Variants in CACNA1C observed in about 807,000 individuals in gnomAD.
The protein encoded by CACNA1C is voltage-dependent L-type calcium channel subunit alpha-1C.
CACNA1C carries 30 observed loss-of-function variants against 229.0 expected under a neutral mutation model. That is an observed-to-expected ratio of 0.13 (90% CI 0.10 to 0.18). CACNA1C has a LOEUF of 0.18. CACNA1C is among the 10% of genes least tolerant of loss of function. The pLI, the probability that CACNA1C is intolerant of heterozygous loss-of-function variation, is 1.00. For missense variants in CACNA1C, 1,658 were observed against 2,845.0 expected (o/e 0.58, Z 9.49); for synonymous variants, 1,114 against 1,132.5 (o/e 0.98, Z 0.33).
intron 3 of CACNA1C, among the ~76,000 whole-genome samples, chr12:2,136,027 C>T (rs555317878): frequency 4.6e-5 from 7 of 150,572 alleles, no homozygotes; most frequent in Admixed American, 1.3e-4. Context: ...TTTTTTAAGC[C>T]GGTCTGAAAA....
At position 2,053,078 on chromosome 12, in the gene CACNA1C, C is replaced by T; in HGVS notation, c.-485C>T. ...CCCGGAGCGGCGGCGGCGGCTCTTC[C>T]TGCCTCCGCGCCCAGGAGTTGCCGG... On this transcript the variant is annotated 5_prime_UTR_variant, in exon 1 of 47. Coordinates refer to ENST00000399655, the MANE Select transcript of CACNA1C (RefSeq NM_000719.7). The surrounding 1 kb of genome is among the most constrained non-coding windows in gnomAD (Gnocchi z 5.8). The T allele has an allele frequency of 1.0e-6, 1 of 984,414 alleles. No individual in the cohort carries two copies. Among genetic ancestry groups the T allele is most frequent in the Non-Finnish European group, 1.2e-6 (1 of 829,360 alleles). The allele number at this position is 984,414 out of a possible 1,614,324, so 61.0% of individuals were successfully genotyped here.
In CACNA1C at chr12:2,679,706, C is replaced by T. The variant is rs373335944; in HGVS notation, c.5354C>T (p.Pro1785Leu). 1.2e-6 allele frequency: 2 copies of T among 1,610,850 alleles called. No homozygotes were observed. The highest frequency in any genetic ancestry group is 1.3e-5 in the African/African-American group (1 of 74,974). The change falls in exon 42 of 47, where the codon CCC becomes CTC. Residue 1785 changes from proline to leucine, a missense_variant. By Grantham distance (98) the Pro-to-Leu change is moderately conservative. Around this residue, in one of 20 missense-constraint regions of CACNA1C, gnomAD observed 590 missense variants for 700.8 expected, o/e 0.84. Coordinates refer to ENST00000399655, the MANE Select transcript of CACNA1C (RefSeq NM_000719.7). This position sits in a 1 kb window ranked among gnomAD's most constrained non-coding sequence, Gnocchi z 5.5. The part of the protein sequence containing the change: ...LGRLPRPAGY[P>L]STVSTVEGHG... ...CGCCTCCCTCGCCCCGCCGGCTACC[C>T]CAGCACGGTCAGCACTGTGGAGGGC...
chr12:2,596,196 A>T, intron 20 of CACNA1C, 193 bp downstream of exon 20: 1 of 489,828 alleles, frequency 2.0e-6, no homozygotes, highest in Non-Finnish European at 3.5e-6. Flanking sequence ...ATAAAAGAGC[A>T]TGTACCCAAA....
chr12:2,135,581 C>A (rs60493158), intron 3 of CACNA1C, among the ~76,000 whole-genome samples: 1 of 124,344 alleles, frequency 8.0e-6, no homozygotes, highest in East Asian at 2.2e-4. Flanking sequence ...AGGTGTCAGT[C>A]TGCCCCTGCT....
intron 1 of CACNA1C, chr12:1,993,152 C>A: frequency 7.3e-7 from 1 of 1,375,834 alleles, no homozygotes; most frequent in Non-Finnish European, 1.0e-6. Context: ...AATGCTGACA[C>A]CCCCCATAGC....
chr12:2,075,169 C>T (rs2062741166), intron 1 of CACNA1C, among the ~76,000 whole-genome samples: 1 of 152,222 alleles, frequency 6.6e-6, no homozygotes, highest in African/African-American at 2.4e-5. Flanking sequence ...TTTGTTTCTA[C>T]AGCCAGAGAC....
intron 3 of CACNA1C, among the ~76,000 whole-genome samples, chr12:2,250,395 CCT>C (rs543703029): frequency 2.0e-5 from 3 of 152,338 alleles, no homozygotes; most frequent in African/African-American, 7.2e-5. Flanking sequence ...AGGCCAAGAC[CCT>C]CTCTCCATCC....
At position 2,325,330 on chromosome 12, in the gene CACNA1C, C is replaced by T. The variant is rs149515114; in HGVS notation, c.478-123646C>T. ...CTCTGATACAGTGAGAATACCTGGT[C>T]GGGAAATAGTAGATTAGTTTACTAG... On this transcript the variant is annotated intron_variant, in intron 3 of 46. Coordinates refer to ENST00000399655, the MANE Select transcript of CACNA1C (RefSeq NM_000719.7). Among the ~76,000 whole-genome samples the T allele has an allele frequency of 6.4e-3, 976 of 152,284 alleles. 13 individuals are homozygous for T. The highest frequency in any genetic ancestry group is 0.021 in the African/African-American group (871 of 41,550).
At chr12:2,530,282 G>T (rs1262734080) in intron 9 of CACNA1C, among the ~76,000 whole-genome samples, 2 of 152,342 alleles carry the variant, frequency 1.3e-5, no homozygotes, top group East Asian at 1.9e-4. Flanking sequence ...GAAATGGCCT[G>T]TTGCTCTGGC....
chr12:2,169,947 G>A (rs2096407378), intron 3 of CACNA1C, among the ~76,000 whole-genome samples: 1 of 152,170 alleles, frequency 6.6e-6, no homozygotes, highest in Admixed American at 6.5e-5. Context: ...AGAAGAGTGG[G>A]GTGAGGTGAG....
intron 3 of CACNA1C, among the ~76,000 whole-genome samples, chr12:2,416,221 G>A (rs534157320): frequency 9.2e-5 from 14 of 152,072 alleles, no homozygotes; most frequent in Non-Finnish European, 1.6e-4. Context: ...GTGCACCTCC[G>A]TGACAGCACC....
rs59105761 is a variant in CACNA1C at position 2,606,897 on chromosome 12, TCCCA to T, written c.3210-82_3210-79del. ...GTGAAGTTCAAGCCAGGCAGTCCCA[TCCCA>T]CCCAGCATTCAAGGTCACTGGCAGG... On this transcript the variant is annotated intron_variant, in intron 25 of 46. Coordinates refer to ENST00000399655, the MANE Select transcript of CACNA1C (RefSeq NM_000719.7). The T allele has an allele frequency of 2.5e-4, 371 of 1,481,026 alleles. 1 individual carries two copies. The African/African-American group carries it at 4.6e-3, about 18-fold the overall frequency. 91.7% of individuals were successfully genotyped at this position (1,481,026 alleles called of 1,614,324 possible).
At chr12:2,001,562 C>G (rs1236718089) in intron 1 of CACNA1C, among the ~76,000 whole-genome samples, 1 of 152,140 alleles carries the variant, frequency 6.6e-6, no homozygotes, top group African/African-American at 2.4e-5. Flanking sequence ...CTTGATTATT[C>G]TCAGTTAAAA....
intron 3 of CACNA1C, among the ~76,000 whole-genome samples, chr12:2,158,405 G>A (rs1333366171): frequency 5.9e-5 from 9 of 152,134 alleles, no homozygotes; most frequent in Middle Eastern, 3.2e-3. Context: ...GCGAAACCAT[G>A]TCTTTACCAA....
chr12:2,004,124 A>C, intron 1 of CACNA1C: 2 of 1,008,748 alleles, frequency 2.0e-6, no homozygotes, highest in Non-Finnish European at 2.9e-6. Context: ...CAAACCCCCG[A>C]GACCCCATCT....
intron 6 of CACNA1C, among the ~76,000 whole-genome samples, chr12:2,491,130 AAG>A (rs1268825841): frequency 2.0e-5 from 3 of 152,206 alleles, no homozygotes. Flanking sequence ...TGGACATAAA[AAG>A]CCTCATAGTG....
At position 2,567,636 on chromosome 12, in the gene CACNA1C, C is replaced by T. The variant is rs1439469317; in HGVS notation, c.1737C>T (p.Gly579=). The change falls in exon 13 of 47, where the codon GGC becomes GGT. Residue 579 remains glycine (G), a synonymous_variant. Transcript: ENST00000399655. ...AEMLLKMYSL[G]LQAYFVSLFN... ...TGCTCCTGAAGATGTACAGCCTGGG[C>T]CTGCAGGCCTACTTCGTGTCCCTCT... 1 of 1,612,106 alleles carries T rather than the reference C, an allele frequency of 6.2e-7. No individual in the cohort carries two copies. Among genetic ancestry groups the T allele is most frequent in the South Asian group, 1.1e-5 (1 of 90,536 alleles).
At chr12:2,079,743 A>G (rs556621338) in intron 1 of CACNA1C, among the ~76,000 whole-genome samples, 1 of 152,162 alleles carries the variant, frequency 6.6e-6, no homozygotes, top group Non-Finnish European at 1.5e-5. Context: ...GATAACTGAT[A>G]CCCATAGGAC....
At chr12:2,584,899 G>GTA (rs2061839405) in intron 16 of CACNA1C, among the ~76,000 whole-genome samples, 1 of 152,144 alleles carries the variant, frequency 6.6e-6, no homozygotes, top group African/African-American at 2.4e-5. Context: ...AGTGTAGGGT[G>GTA]GGGAGAGAGA....
Sources: allele counts gnomAD v4.1 joint callset (sites outside exome capture counted in the v4.1 genomes callset), GRCh38; gene constraint gnomAD v4.1.1; regional missense constraint gnomAD v4.1.1; non-coding constraint Gnocchi (gnomAD v3.1); transcripts MANE v1.5; gene names NCBI Gene and HGNC (gene_info 2026-07-23, HGNC 2026-07-21).